Variants in MEF2C observed in about 807,000 individuals in gnomAD.
The protein encoded by MEF2C is myocyte enhancer factor 2C.
MEF2C carries 6 observed loss-of-function variants against 50.5 expected under a neutral mutation model. The observed-to-expected ratio is 0.12, with a 90% confidence interval of 0.07 to 0.23. MEF2C has a LOEUF of 0.23. Among genes scored for constraint, MEF2C ranks in the 10% least tolerant of loss-of-function variants. The probability of loss-of-function intolerance (pLI) is 1.00; values close to 1 mark genes in which losing one functional copy is unlikely to be tolerated. For synonymous variants in MEF2C, 183 were observed against 228.0 expected, an observed-to-expected ratio of 0.80 and a Z score of 1.78; for missense variants, 276 against 605.0, an observed-to-expected ratio of 0.46 and a Z score of 5.70.
intron 1 of MEF2C, among the ~76,000 whole-genome samples, chr5:88,863,029 T>C (rs565247077): frequency 1.3e-5 from 2 of 152,294 alleles, no homozygotes; most frequent in South Asian, 4.1e-4. Flanking sequence ...TCTGCTATGC[T>C]TCCAGAGGGC....
At chr5:88,782,039 G>A (rs924403036) in intron 3 of MEF2C, 1 of 663,718 alleles carries the variant, frequency 1.5e-6, no homozygotes, top group Non-Finnish European at 1.9e-6. Flanking sequence ...GATCCCAGGA[G>A]TTTGAGAAGA....
At chr5:88,785,904 C>G (rs747009942) in intron 3 of MEF2C, among the ~76,000 whole-genome samples, 11 of 151,950 alleles carry the variant, frequency 7.2e-5, no homozygotes, top group Admixed American at 1.3e-4. Context: ...AAGAGAGAGT[C>G]GGGCCTGTGG....
chr5:88,742,690 C>A (rs1490084524), intron 6 of MEF2C: 13 of 985,216 alleles, frequency 1.3e-5, no homozygotes, highest in Non-Finnish European at 1.6e-5. Flanking sequence ...TATTTTACAA[C>A]ATCCTGACTT....
In MEF2C at chr5:88,718,622, G is replaced by C. The variant is rs990361168; in HGVS notation, c.*3982C>G. ...ACAGTGACCCAGGTCTACTTTGCTC[G>C]AAGAGAACACTGGTACTGCATTCAA... is the stretch of plus-strand genomic sequence containing the variant. On this transcript the variant is annotated 3_prime_UTR_variant, in exon 11 of 11. Coordinates refer to ENST00000504921, the MANE Select transcript of MEF2C (RefSeq NM_002397.5). 6.6e-6 allele frequency: 1 copy of C among 152,148 alleles called. No homozygotes were observed. Among genetic ancestry groups the C allele is most frequent in the Non-Finnish European group, 1.5e-5 (1 of 68,018 alleles). 9.4% of individuals were successfully genotyped at this position (152,148 alleles called of 1,614,324 possible).
intron 5 of MEF2C, chr5:88,749,398 A>C (rs1771531073): frequency 1.0e-6 from 1 of 985,026 alleles, no homozygotes; most frequent in Admixed American, 6.1e-5. Context: ...TTCTAAGTCT[A>C]GGTTTTCCCT....
intron 4 of MEF2C, among the ~76,000 whole-genome samples, chr5:88,759,618 T>C (rs200601561): frequency 1.3e-5 from 2 of 152,158 alleles, no homozygotes; most frequent in East Asian, 3.9e-4. Context: ...CATGGCTACA[T>C]ATAATACTAA....
intron 2 of MEF2C, 51 bp from the exon 3 acceptor site, chr5:88,804,852 T>C (rs1799728718): frequency 4.7e-6 from 7 of 1,485,970 alleles, no homozygotes; most frequent in African/African-American, 1.4e-5. Context: ...CATGCATGTG[T>C]GGTTTTTTTC....
chr5:88,749,841 TA>T, intron 5 of MEF2C, among the ~76,000 whole-genome samples: 1 of 152,190 alleles, frequency 6.6e-6, no homozygotes, highest in East Asian at 1.9e-4. Flanking sequence ...CCATCCTGGC[TA>T]ACACGGTGAA....
intron 1 of MEF2C, among the ~76,000 whole-genome samples, chr5:88,826,089 G>A (rs1443371622): frequency 6.6e-6 from 1 of 151,892 alleles, no homozygotes; most frequent in Non-Finnish European, 1.5e-5. Context: ...ACCAAACTTA[G>A]GAGAGTTCCT....
chr5:88,737,014 A>G (rs1428184814), intron 6 of MEF2C: 1 of 985,096 alleles, frequency 1.0e-6, no homozygotes, highest in East Asian at 1.1e-4. Context: ...AGTGGCAGCG[A>G]TAATACACAG....
At chr5:88,782,936 TTTTA>T (rs1401811226) in intron 3 of MEF2C, among the ~76,000 whole-genome samples, 1 of 152,246 alleles carries the variant, frequency 6.6e-6, no homozygotes, top group African/African-American at 2.4e-5. Context: ...TCTTATATCT[TTTTA>T]TTTATGTGAA....
At chr5:88,895,372 G>T (rs915088679) in intron 1 of MEF2C, among the ~76,000 whole-genome samples, 1 of 151,758 alleles carries the variant, frequency 6.6e-6, no homozygotes, top group Admixed American at 6.6e-5. Context: ...AACTTTTTTG[G>T]GGTATTCTTA....
At position 88,895,990 on chromosome 5, in the gene MEF2C, G is replaced by A. The variant is rs1582039679; in HGVS notation, c.-240+7926C>T. Among the ~76,000 whole-genome samples, 4 of 152,126 alleles carry A rather than the reference G, an allele frequency of 2.6e-5. No individual in the cohort carries two copies. The East Asian group carries it at 7.7e-4, about 29-fold the overall frequency. On this transcript the variant is annotated intron_variant, in intron 1 of 11. Transcript: ENST00000340208. ...CTTCCACAGATACCCTGCTGTGTTG[G>A]TCAGGTGGTGTTTTAGGGAGCACTT...
rs1232904384 is a variant in MEF2C at position 88,883,159 on chromosome 5, G to A, written c.-347C>T. The A allele has an allele frequency of 6.6e-6, 1 of 152,158 alleles. No homozygotes were observed. The allele number at this position is 152,158 out of a possible 1,614,324, so 9.4% of individuals were successfully genotyped here. On this transcript the variant is annotated 5_prime_UTR_variant, in exon 1 of 11. Coordinates refer to ENST00000504921, the MANE Select transcript of MEF2C (RefSeq NM_002397.5). ...GCAGCCCGAAGATGTCTGGGTGTAC[G>A]CGTGTGCTCAAGTGTCTGTGACTGC...
intron 1 of MEF2C, chr5:88,827,294 C>T (rs529830252): frequency 1.3e-5 from 2 of 152,210 alleles, no homozygotes; most frequent in East Asian, 3.9e-4. Context: ...CAAATCTCTC[C>T]CAGTAGCACA....
At chr5:88,740,610 CTG>C in intron 6 of MEF2C, 4 of 983,830 alleles carry the variant, frequency 4.1e-6, no homozygotes, top group Non-Finnish European at 4.8e-6. Flanking sequence ...AGCCAGATGT[CTG>C]AGATTTAGCA....
intron 6 of MEF2C, chr5:88,733,725 T>C (rs1269135994): frequency 3.0e-6 from 3 of 985,162 alleles, no homozygotes; most frequent in Non-Finnish European, 3.6e-6. Flanking sequence ...AACAAATAAC[T>C]ACAAGATTAA....
upstream of MEF2C, among the ~76,000 whole-genome samples, chr5:88,884,013 A>G (rs1833710501): frequency 6.6e-6 from 1 of 152,200 alleles, no homozygotes; most frequent in African/African-American, 2.4e-5. Context: ...GTAATAGCAC[A>G]TGCCATACGC....
intron 2 of MEF2C, among the ~76,000 whole-genome samples, chr5:88,806,518 C>G (rs1200893685): frequency 6.6e-6 from 1 of 152,112 alleles, no homozygotes; most frequent in Non-Finnish European, 1.5e-5. Context: ...TCCTGGCCTG[C>G]CACCTTCTCC....
Sources: gnomAD v4.1 joint callset for allele counts (sites outside exome capture counted in the v4.1 genomes callset) on GRCh38, gnomAD v4.1.1 for gene constraint, MANE v1.5 for transcripts, NCBI Gene and HGNC (gene_info 2026-07-23, HGNC 2026-07-21) for gene names.